TMEM38A: variants seen among roughly 807,000 people sequenced by gnomAD.
The protein encoded by TMEM38A is trimeric intracellular cation channel type A.
A neutral mutation model predicts 28.6 loss-of-function variants in TMEM38A; 17 were observed. The observed-to-expected ratio is 0.60, with a 90% CI of 0.41 to 0.89. The LOEUF (loss-of-function observed/expected upper bound fraction) is 0.89. TMEM38A is among the 40% of genes least tolerant of loss of function. The pLI is 0.00. For synonymous variants in TMEM38A, 169 were observed against 166.1 expected (o/e 1.02, Z -0.14); for missense variants, 328 against 393.1 (o/e 0.83, Z 1.40).
At chr19:16,673,148 C>G (rs540897322) in intron 1 of TMEM38A, among the ~76,000 whole-genome samples, 1 of 152,282 alleles carries the variant, frequency 6.6e-6, no homozygotes, top group South Asian at 2.1e-4. Context: ...GTGGCGCAAT[C>G]TTGGCTCACT....
chr19:16,685,484 T>C (rs2633335), intron 4 of TMEM38A, among the ~76,000 whole-genome samples: 105,631 of 152,164 alleles, frequency 0.69, 41,762 homozygotes, highest in East Asian at 0.91. Context: ...AGTGGAATCA[T>C]GTGGACAGGG....
At position 16,688,265 on chromosome 19, in the gene TMEM38A, C is replaced by A; in HGVS notation, c.794C>A (p.Ser265Tyr). ...GDHHHDNHGG[S>Y]HSGGGPGAQH... Reference sequence around the variant, plus strand: ...CATCACCACGACAACCATGGTGGGTCCCACAGCGGTGGTGGGCCAGGAGCT... The same window carrying A: ...CATCACCACGACAACCATGGTGGGTACCACAGCGGTGGTGGGCCAGGAGCT... Residue 265 changes from serine (S) to tyrosine (Y), a missense_variant, in exon 6 of 6, where the codon TCC (serine) becomes TAC (tyrosine). Ser to Tyr is a moderately radical substitution (Grantham distance 144). Coordinates refer to ENST00000187762, the MANE Select transcript of TMEM38A (RefSeq NM_024074.4). The A allele has an allele frequency of 6.2e-7, 1 of 1,606,892 alleles. No individual in the cohort carries two copies. Among genetic ancestry groups the A allele is most frequent in the Non-Finnish European group, 8.5e-7 (1 of 1,176,480 alleles).
At position 16,677,683 on chromosome 19, in the gene TMEM38A, A is replaced by G. The variant is rs145998240; in HGVS notation, c.125-2301A>G. Among the ~76,000 whole-genome samples the G allele has an allele frequency of 1.7e-4, 26 of 150,756 alleles. No homozygotes were observed. The East Asian group carries it at 4.8e-3, about 28-fold the overall frequency. On this transcript the variant is annotated intron_variant, in intron 1 of 5. Transcript: ENST00000187762. The stretch of plus-strand genomic sequence containing the variant: ...GTGATCTTCCTACCTCAGCTTCCCG[A>G]GTAGCTGGGACTACAGAAGCATGCC...
chr19:16,662,949 G>A (rs1264500347), intron 1 of TMEM38A, among the ~76,000 whole-genome samples: 2 of 151,994 alleles, frequency 1.3e-5, no homozygotes, highest in East Asian at 3.9e-4. Flanking sequence ...ATTCTTGGTG[G>A]TTCAGGCCAG....
chr19:16,686,457 C>T, intron 5 of TMEM38A, 52 bp downstream of exon 5: 1 of 1,464,648 alleles, frequency 6.8e-7, no homozygotes, highest in Non-Finnish European at 9.5e-7. Context: ...GCCACCCTGC[C>T]ACCTCCAGGT....
intron 5 of TMEM38A, among the ~76,000 whole-genome samples, chr19:16,687,865 G>A (rs560003366): frequency 1.3e-5 from 2 of 152,268 alleles, no homozygotes; most frequent in South Asian, 4.1e-4. Flanking sequence ...TCTGAGCCCA[G>A]GTGTCGTGGG....
chr19:16,673,287 G>T (rs966157838), intron 1 of TMEM38A, among the ~76,000 whole-genome samples: 10 of 151,986 alleles, frequency 6.6e-5, no homozygotes, highest in Non-Finnish European at 1.2e-4. Flanking sequence ...TCACCATGTC[G>T]GCCAGGCTGG....
chr19:16,669,353 C>T (rs957287022), intron 1 of TMEM38A, among the ~76,000 whole-genome samples: 1 of 151,356 alleles, frequency 6.6e-6, no homozygotes, highest in Non-Finnish European at 1.5e-5. Context: ...ATTACAGGTG[C>T]CCGCCACCAT....
chr19:16,672,846 A>C (rs2086733646), intron 1 of TMEM38A, among the ~76,000 whole-genome samples: 1 of 152,146 alleles, frequency 6.6e-6, no homozygotes, highest in Non-Finnish European at 1.5e-5. Flanking sequence ...TCTCAACCAG[A>C]AGGGATTCTG....
At chr19:16,679,786 C>T (rs1207701415) in intron 1 of TMEM38A, among the ~76,000 whole-genome samples, 198 bp from the exon 2 acceptor site, 1 of 152,124 alleles carries the variant, frequency 6.6e-6, no homozygotes, top group Non-Finnish European at 1.5e-5. Context: ...GAAAGGACTC[C>T]CACTCGGCTC....
Position 16,680,110 on chromosome 19 carries a change from A to G in TMEM38A, c.251A>G (p.Asn84Ser). 3.1e-6 allele frequency: 5 copies of G among 1,609,918 alleles called. No individual in the cohort carries two copies. The highest frequency in any genetic ancestry group is 3.4e-6 in the Non-Finnish European group (4 of 1,179,964). ...GEPLIDYFSN[N>S]SSILLASAVW... ...CCACTGATCGATTACTTCAGCAACA[A>G]CTCCAGCATCCTGCTGGCCTCAGCT... is the stretch of plus-strand genomic sequence containing the variant. Residue 84 changes from asparagine (N) to serine (S), a missense_variant, in exon 2 of 6, where the codon AAC becomes AGC. By Grantham distance (46) the Asn-to-Ser change is conservative (BLOSUM62 1). Coordinates refer to ENST00000187762, the MANE Select transcript of TMEM38A (RefSeq NM_024074.4).
At chr19:16,673,564 A>G (rs759538555) in intron 1 of TMEM38A, among the ~76,000 whole-genome samples, 55 of 152,192 alleles carry the variant, frequency 3.6e-4, no homozygotes, top group Non-Finnish European at 6.5e-4. Context: ...GCTGGGGTCC[A>G]GGGGATGCAC....
At chr19:16,672,057 C>T (rs905290229) in intron 1 of TMEM38A, among the ~76,000 whole-genome samples, 1 of 126,660 alleles carries the variant, frequency 7.9e-6, no homozygotes, top group Non-Finnish European at 1.7e-5. Flanking sequence ...TACCTCATAC[C>T]CTAGGACCTT....
intron 3 of TMEM38A, among the ~76,000 whole-genome samples, chr19:16,681,133 G>A (rs7249820): frequency 0.068 from 10,316 of 152,168 alleles, 1,008 homozygotes; most frequent in African/African-American, 0.22. Flanking sequence ...TTCGTGTGCA[G>A]AAAATAGAGC....
rs574946955 is a variant in TMEM38A, at chr19:16,687,008, G to A, written c.672+603G>A. Among the ~76,000 whole-genome samples, 3 of 152,288 alleles carry A rather than the reference G, an allele frequency of 2.0e-5. No homozygotes were observed. In the East Asian group the frequency reaches 5.8e-4, roughly 29 times the overall value. On this transcript the variant is annotated intron_variant, in intron 5 of 5. Coordinates refer to ENST00000187762, the MANE Select transcript of TMEM38A (RefSeq NM_024074.4). Reference sequence around the variant, plus strand: ...AGTCCATTCAGGCTGCTGTATAACAGAATGCAGTACCATAGACTGGGTGGC... The same window carrying A: ...AGTCCATTCAGGCTGCTGTATAACAAAATGCAGTACCATAGACTGGGTGGC...
At chr19:16,677,118 A>G (rs868025177) in intron 1 of TMEM38A, among the ~76,000 whole-genome samples, 3 of 151,366 alleles carry the variant, frequency 2.0e-5, no homozygotes, top group Non-Finnish European at 2.9e-5. Flanking sequence ...AGGACTCAGC[A>G]ATGGGGTTTT....
At chr19:16,680,809 C>G (rs2086778824) in intron 3 of TMEM38A, 1 of 535,088 alleles carries the variant, frequency 1.9e-6, no homozygotes, top group Admixed American at 3.2e-5. Flanking sequence ...ATGATGATGA[C>G]AAAAGCCAGC....
At chr19:16,682,842 G>A (rs144621657) in intron 4 of TMEM38A, among the ~76,000 whole-genome samples, 1,975 of 152,274 alleles carry the variant, frequency 0.013, 16 homozygotes, top group South Asian at 0.019. Flanking sequence ...CTGGGTGTGC[G>A]GGGTCAGGGT....
Position 16,680,539 on chromosome 19 carries a change from C to T in TMEM38A, c.424C>T (p.His142Tyr), listed in dbSNP as rs747394524. 4 of 1,614,066 alleles carry T rather than the reference C, an allele frequency of 2.5e-6. No individual in the cohort carries two copies. The highest frequency in any genetic ancestry group is 1.7e-5 in the Admixed American group (1 of 59,998). ...CATCCATCACGCCCATCACCACTACCACCACGGGTGGTTCGTCATGATTGC... is the reference window on the plus strand; with the variant it reads ...CATCCATCACGCCCATCACCACTACTACCACGGGTGGTTCGTCATGATTGC... Reference protein sequence around the residue: ...VGIHHAHHHYHHGWFVMIATG... With the variant: ...VGIHHAHHHYYHGWFVMIATG... Residue 142 changes from histidine to tyrosine, a missense_variant, in exon 3 of 6, where the codon CAC becomes TAC. His to Tyr is a moderately conservative substitution (Grantham distance 83, BLOSUM62 2). Coordinates refer to ENST00000187762, the MANE Select transcript of TMEM38A (RefSeq NM_024074.4).
Sources: allele counts gnomAD v4.1 joint callset (sites outside exome capture counted in the v4.1 genomes callset), GRCh38; gene constraint gnomAD v4.1.1; transcripts MANE v1.5; gene names NCBI Gene and HGNC (gene_info 2026-07-23, HGNC 2026-07-21).